ANKRD26: variants seen among roughly 807,000 people sequenced by gnomAD.
The protein encoded by ANKRD26 is ankyrin repeat domain-containing protein 26.
ANKRD26 carries 141 observed loss-of-function variants against 208.7 expected under a neutral mutation model. That is an observed-to-expected ratio of 0.68 (90% CI 0.59 to 0.78). ANKRD26 has a LOEUF of 0.78. ANKRD26 is among the 30% of genes least tolerant of loss of function. ANKRD26 has a pLI of 0.00. For synonymous variants in ANKRD26, 636 were observed against 660.4 expected, an observed-to-expected ratio of 0.96 and a Z score of 0.57; for missense variants, 1,889 against 1,938.7, an observed-to-expected ratio of 0.97 and a Z score of 0.48.
intron 16 of ANKRD26, chr10:27,051,757 C>A (rs1044820317): frequency 1.0e-6 from 1 of 985,194 alleles, no homozygotes; most frequent in African/African-American, 1.7e-5. Flanking sequence ...GAATCTTTTT[C>A]ATCGCAATCA....
At chr10:27,038,559 G>A (rs914442819) in intron 21 of ANKRD26, among the ~76,000 whole-genome samples, 2 of 151,892 alleles carry the variant, frequency 1.3e-5, no homozygotes, top group African/African-American at 4.8e-5. Context: ...ACTGAGGCAA[G>A]AGAACCGCTT....
At position 27,065,283 on chromosome 10, in the gene ANKRD26, T is replaced by C. The variant is rs114395806; in HGVS notation, c.1270-1202A>G. On this transcript the variant is annotated intron_variant, in intron 11 of 33. Transcript: ENST00000376087. ...TTACTTGTTTTTCAGTTCCTACTAG[T>C]AGAGCATAAGCCCCCACCTTGTATA... Among the ~76,000 whole-genome samples the C allele has an allele frequency of 2.9e-3, 449 of 152,332 alleles. 2 individuals carry two copies. Among genetic ancestry groups the C allele is most frequent in the African/African-American group, 0.01 (416 of 41,574 alleles).
intron 4 of ANKRD26, among the ~76,000 whole-genome samples, chr10:26,997,582 G>A (rs1297222910): frequency 1.3e-5 from 2 of 152,156 alleles, no homozygotes; most frequent in African/African-American, 2.4e-5. Flanking sequence ...TTCTGAGACT[G>A]AGAGGTTTGA....
chr10:26,966,925 G>C, the ANKRD26 span, among the ~76,000 whole-genome samples: 1 of 151,726 alleles, frequency 6.6e-6, no homozygotes, highest in African/African-American at 2.4e-5. Context: ...CTTACTAAAA[G>C]GAAAAAAAAG....
At chr10:27,017,928 G>T in intron 29 of ANKRD26, 136 bp from the exon 30 acceptor site, 1 of 838,048 alleles carries the variant, frequency 1.2e-6, no homozygotes, top group Non-Finnish European at 1.8e-6. Flanking sequence ...TTCTTCAAAT[G>T]TGGACCCTTA....
At chr10:27,059,776 G>A (rs2054981991) in intron 15 of ANKRD26, among the ~76,000 whole-genome samples, 1 of 151,784 alleles carries the variant, frequency 6.6e-6, no homozygotes, top group African/African-American at 2.4e-5. Context: ...CGGGCATGGT[G>A]GTGTGTGCCC....
chr10:27,017,904 T>C, intron 29 of ANKRD26, 112 bp from the exon 30 acceptor site: 1 of 1,023,990 alleles, frequency 9.8e-7, no homozygotes, highest in Non-Finnish European at 1.4e-6. Context: ...AAATGTCACC[T>C]GAACCATAAA....
At chr10:26,985,423 C>T (rs1049171478) in intron 3 of ANKRD26, among the ~76,000 whole-genome samples, 1 of 152,174 alleles carries the variant, frequency 6.6e-6, no homozygotes, top group East Asian at 1.9e-4. Context: ...CATCATATTT[C>T]GCTTTCCAGT....
At position 27,038,036 on chromosome 10, in the gene ANKRD26, T is replaced by C. The variant is rs1467067826; in HGVS notation, c.2394A>G (p.Glu798=). 6.2e-7 allele frequency: 1 copy of C among 1,610,338 alleles called. No homozygotes were observed. Among genetic ancestry groups the C allele is most frequent in the East Asian group, 2.2e-5 (1 of 44,722 alleles). ...TATCAGCATTTCTTCTCTTCTCTTC[T>C]TCTTGGTTTAAGCTAAATCTGCAGT... ...LCSLRFSLNQ[E]EEKRRNADTL... is the part of the protein sequence containing the mutation. The change falls in exon 22 of 34, where the codon GAA becomes GAG. Residue 798 remains glutamate (E), a synonymous_variant. Coordinates refer to ENST00000376087, the MANE Select transcript of ANKRD26 (RefSeq NM_014915.3).
At chr10:27,097,661 T>A (rs2056513533) in intron 1 of ANKRD26, among the ~76,000 whole-genome samples, 1 of 152,052 alleles carries the variant, frequency 6.6e-6, no homozygotes, top group Admixed American at 6.6e-5. Context: ...TTTTGTTTTG[T>A]TTTTTTGAGA....
At position 27,088,607 on chromosome 10, in the gene ANKRD26, T is replaced by C. The variant is rs552046689; in HGVS notation, c.639-1998A>G. ...CAAGCAGCTTGGGAGATTTTCATTA[T>C]GAAAAACAGATCACTTTAGGGGTCA... On this transcript the variant is annotated intron_variant, in intron 4 of 33. Transcript: ENST00000376087. Among the ~76,000 whole-genome samples, 26 of 152,236 alleles carry C rather than the reference T, an allele frequency of 1.7e-4. No individual in the cohort carries two copies. The East Asian group carries it at 2.3e-3, about 14-fold the overall frequency.
chr10:27,100,465 G>C lies in ANKRD26; in HGVS notation c.-139C>G. The C allele has an allele frequency of 1.5e-6, 2 of 1,305,234 alleles. No homozygotes were observed. The highest frequency in any genetic ancestry group is 1.4e-5 in the South Asian group (1 of 70,348). The allele number at this position is 1,305,234 out of a possible 1,614,324, so 80.9% of individuals were successfully genotyped here. A position where few individuals can be genotyped will look rare whatever the true frequency, so the allele number is the denominator to read the frequency against. ...CCGCGGTTTCCAATCTCTCCCTCCG[G>C]GTTACCAAGCAAGCGATCCCGCTAG... On this transcript the variant is annotated 5_prime_UTR_variant, in exon 1 of 34. Coordinates refer to ENST00000376087, the MANE Select transcript of ANKRD26 (RefSeq NM_014915.3).
the ANKRD26 span, among the ~76,000 whole-genome samples, chr10:26,959,028 T>C: frequency 1.6e-4 from 24 of 152,244 alleles, no homozygotes; most frequent in East Asian, 1.9e-3. Context: ...GTGGTTTTGA[T>C]TTGCATTTCT....
intron 9 of ANKRD26, among the ~76,000 whole-genome samples, chr10:27,071,158 C>CTTTTTTTTTTTTTTTTTTTTTTTTTTTT (rs1564411968): frequency 1.6e-5 from 2 of 128,728 alleles, no homozygotes; most frequent in African/African-American, 3.1e-5. Flanking sequence ...TTGCTACATT[C>CTTTTTTTTTTTTTTTTTTTTTTTTTTTT]ATTTTTTTTT....
intron 5 of ANKRD26, among the ~76,000 whole-genome samples, chr10:27,085,139 C>T (rs1167688982): frequency 6.6e-6 from 1 of 151,092 alleles, no homozygotes; most frequent in African/African-American, 2.4e-5. Context: ...CTCGCTCTGT[C>T]ACCCAGGCTG....
downstream of ANKRD26, among the ~76,000 whole-genome samples, chr10:26,972,213 C>G (rs1303341370): frequency 6.4e-5 from 9 of 141,662 alleles, no homozygotes; most frequent in South Asian, 6.6e-4. Context: ...CCAGCCTGGG[C>G]GACAGAGCGA....
intron 4 of ANKRD26, 75 bp downstream of exon 4, chr10:27,092,331 A>C: frequency 8.9e-7 from 1 of 1,125,762 alleles, no homozygotes; most frequent in East Asian, 2.5e-5. Context: ...AAAACCTGTA[A>C]CATGCAAAAC....
chr10:26,988,451 G>A (rs1325315074), downstream of ANKRD26, among the ~76,000 whole-genome samples: 1 of 152,104 alleles, frequency 6.6e-6, no homozygotes, highest in Non-Finnish European at 1.5e-5. Context: ...CCACTTATTG[G>A]ATAAGCATAG....
chr10:27,028,181 C>T (rs1052417221), intron 27 of ANKRD26, among the ~76,000 whole-genome samples: 1 of 152,176 alleles, frequency 6.6e-6, no homozygotes. Context: ...GTTCCAAAAT[C>T]TGAAACTCTT....
Sources: allele counts gnomAD v4.1 joint callset (sites outside exome capture counted in the v4.1 genomes callset), GRCh38; gene constraint gnomAD v4.1.1; transcripts MANE v1.5; gene names NCBI Gene and HGNC (gene_info 2026-07-23, HGNC 2026-07-21).